Variants in LONRF2 observed in about 807,000 individuals in gnomAD.
The protein encoded by LONRF2 is LON peptidase N-terminal domain and ring finger 2, also known as LON peptidase N-terminal domain and RING finger protein 2.
A neutral mutation model predicts 66.6 loss-of-function variants in LONRF2; 35 were observed. The ratio of observed to expected loss-of-function variants is 0.53; its 90% CI spans 0.40 to 0.70. The LOEUF (loss-of-function observed/expected upper bound fraction) is 0.70. Ranked by LOEUF, LONRF2 falls within the 30% of genes least tolerant of loss-of-function variation. LONRF2 has a pLI of 0.00. For missense variants in LONRF2, 902 were observed against 1,002.1 expected (o/e 0.90, Z 1.35); for synonymous variants, 417 against 418.1 (o/e 1.00, Z 0.03).
chr2:100,288,611 C>T (rs1452668424), intron 10 of LONRF2, among the ~76,000 whole-genome samples: 1 of 152,186 alleles, frequency 6.6e-6, no homozygotes, highest in Non-Finnish European at 1.5e-5. Context: ...TAGAAAGATT[C>T]TTCACCACTC....
intron 6 of LONRF2, 85 bp downstream of exon 6, chr2:100,299,141 A>G: frequency 2.0e-6 from 2 of 1,023,130 alleles, no homozygotes; most frequent in Admixed American, 2.4e-5. Context: ...AGTTTCCGTG[A>G]TAATAAAAAG....
intron 7 of LONRF2, among the ~76,000 whole-genome samples, chr2:100,297,294 A>G (rs1454692531): frequency 1.0e-5 from 1 of 97,748 alleles, no homozygotes; most frequent in Non-Finnish European, 1.9e-5. Context: ...ATACCTGGCT[A>G]ATTTTGTTTT....
rs1158821209 is a variant in LONRF2 at position 100,281,678 on chromosome 2, T to C, written c.*2620A>G. The C allele has an allele frequency of 1.3e-5, 2 of 152,170 alleles. No individual in the cohort carries two copies. The highest frequency in any genetic ancestry group is 3.9e-4 in the East Asian group (2 of 5,194). The allele number at this position is 152,170 out of a possible 1,614,324, so 9.4% of individuals were successfully genotyped here. On this transcript the variant is annotated 3_prime_UTR_variant, in exon 12 of 12. Coordinates refer to ENST00000393437, the MANE Select transcript of LONRF2 (RefSeq NM_198461.4). ...ACGCTGCTATTACTCTTTTCTGCTT[T>C]GATTCCAATGTAACGAGAGCATGCC...
intron 1 of LONRF2, among the ~76,000 whole-genome samples, chr2:100,318,960 T>A (rs1211005028): frequency 1.3e-5 from 2 of 151,644 alleles, no homozygotes; most frequent in Non-Finnish European, 2.9e-5. Context: ...TGAAACCCTG[T>A]CTCTACTAAA....
intron 7 of LONRF2, among the ~76,000 whole-genome samples, chr2:100,296,584 T>A (rs1303088813): frequency 6.6e-6 from 1 of 152,116 alleles, no homozygotes; most frequent in Admixed American, 6.6e-5. Flanking sequence ...TTCCTTGTGG[T>A]TGGTGTGAAA....
chr2:100,272,899 T>C lies in LONRF2; in HGVS notation c.*11399A>G, dbSNP rs1026620768. ...CCTTTTTTTTCCTACTAAAATTAAA[T>C]TGGAATCGTTCCACATCTGCACTGT... is the stretch of plus-strand genomic sequence containing the variant. On this transcript the variant is annotated 3_prime_UTR_variant, in exon 12 of 12. Coordinates refer to ENST00000393437, the MANE Select transcript of LONRF2 (RefSeq NM_198461.4). Among the ~76,000 whole-genome samples the C allele has an allele frequency of 6.6e-6, 1 of 152,174 alleles. No individual in the cohort carries two copies. The highest frequency in any genetic ancestry group is 6.5e-5 in the Admixed American group (1 of 15,284).
Position 100,284,152 on chromosome 2 carries a change from G to T in LONRF2, c.*146C>A. On this transcript the variant is annotated 3_prime_UTR_variant, in exon 12 of 12. Coordinates refer to ENST00000393437, the MANE Select transcript of LONRF2 (RefSeq NM_198461.4). ...CACCAGACACAGAATTGTCATTTTT[G>T]AGGAGGACTCAATGTTTGGCAAGCG... The T allele has an allele frequency of 2.9e-6, 2 of 689,666 alleles. No homozygotes were observed. Among genetic ancestry groups the T allele is most frequent in the Non-Finnish European group, 4.7e-6 (2 of 423,386 alleles). The allele number at this position is 689,666 out of a possible 1,614,324, so 42.7% of individuals were successfully genotyped here.
In LONRF2 at chr2:100,284,215, G is replaced by A. The variant is rs1374608710; in HGVS notation, c.*83C>T. On this transcript the variant is annotated 3_prime_UTR_variant, in exon 12 of 12. Transcript: ENST00000393437. ...ACCTCATCCACAAGCACTTGATGAA[G>A]CACAATGAATGGACGGCTATTCGTC... 2 of 1,288,222 alleles carry A rather than the reference G, an allele frequency of 1.6e-6. No individual in the cohort carries two copies. Among genetic ancestry groups the A allele is most frequent in the Non-Finnish European group, 2.1e-6 (2 of 961,642 alleles). 79.8% of individuals were successfully genotyped at this position (1,288,222 alleles called of 1,614,324 possible).
chr2:100,284,315 T>C lies in LONRF2; in HGVS notation c.2248A>G (p.Arg750Gly). 6.5e-7 allele frequency: 1 copy of C among 1,549,814 alleles called. No homozygotes were observed. The highest frequency in any genetic ancestry group is 8.7e-7 in the Non-Finnish European group (1 of 1,143,748). ...MNSRQELANA[R>G]ERNN ...GAGAAAAATCAATTATTTCTCTCCC[T>C]GGCATTAGCCAGCTCTTGCCGACTA... Residue 750 changes from arginine to glycine, a missense_variant, in exon 12 of 12, where the codon AGG (arginine) becomes GGG (glycine). By Grantham distance (125) the Arg-to-Gly change is moderately radical. Transcript: ENST00000393437.
Position 100,284,403 on chromosome 2 carries a change from G to A in LONRF2, c.2160C>T (p.Thr720=), listed in dbSNP as rs1413087538. The A allele has an allele frequency of 5.0e-6, 8 of 1,604,696 alleles. No homozygotes were observed. The highest frequency in any genetic ancestry group is 6.8e-6 in the Non-Finnish European group (8 of 1,175,884). Residue 720 remains threonine, a synonymous_variant, in exon 12 of 12, where the codon ACC becomes ACT. Transcript: ENST00000393437. ...RKAQLAILGM[T]SLKERLLAIR... ...TGGCAAGGAGCCGCTCTTTGAGCGAGGTCATGCCGAGGATGGCCAGCTGAG... is the reference window on the plus strand; with the variant it reads ...TGGCAAGGAGCCGCTCTTTGAGCGAAGTCATGCCGAGGATGGCCAGCTGAG...
Position 100,321,577 on chromosome 2 carries a change from G to T in LONRF2, c.517C>A (p.Arg173=), listed in dbSNP as rs1232314237. The change falls in exon 1 of 12, where the codon CGG becomes AGG. Residue 173 remains arginine (R), a synonymous_variant. Coordinates refer to ENST00000393437, the MANE Select transcript of LONRF2 (RefSeq NM_198461.4). ...CKRCVEPGPA[R]PQVRRVNVVL... ...ACGTTCACGCGCCGCACCTGCGGCCGCGCGGGCCCTGGCTCCACGCAGCGC... is the reference window on the plus strand; with the variant it reads ...ACGTTCACGCGCCGCACCTGCGGCCTCGCGGGCCCTGGCTCCACGCAGCGC... 1 of 1,532,822 alleles carries T rather than the reference G, an allele frequency of 6.5e-7. No individual in the cohort carries two copies. Among genetic ancestry groups the T allele is most frequent in the Non-Finnish European group, 8.7e-7 (1 of 1,152,154 alleles). The allele number at this position is 1,532,822 out of a possible 1,614,324, so 95.0% of individuals were successfully genotyped here. A position where few individuals can be genotyped will look rare whatever the true frequency, so the allele number is the denominator to read the frequency against.
intron 10 of LONRF2, among the ~76,000 whole-genome samples, chr2:100,289,397 G>A (rs568410559): frequency 3.3e-5 from 5 of 150,780 alleles, no homozygotes; most frequent in East Asian, 2.0e-4. Flanking sequence ...TTTGCAATGC[G>A]CAGGTTTACA....
intron 1 of LONRF2, among the ~76,000 whole-genome samples, chr2:100,314,988 C>T (rs1573127056): frequency 6.6e-6 from 1 of 152,124 alleles, no homozygotes; most frequent in African/African-American, 2.4e-5. Flanking sequence ...AAAACACTGG[C>T]TAGGATTTTC....
intron 2 of LONRF2, among the ~76,000 whole-genome samples, chr2:100,303,534 A>C (rs1207327325): frequency 6.6e-6 from 1 of 152,244 alleles, no homozygotes; most frequent in Non-Finnish European, 1.5e-5. Context: ...TTATGAATGC[A>C]GTATTTTCTC....
At position 100,277,788 on chromosome 2, in the gene LONRF2, T is replaced by C. The variant is rs1458256550; in HGVS notation, c.*6510A>G. ...CCCCAGCTTCACATTTATGGCCAAC[T>C]GTTGGACCACTGCCCAAGAGTTGCC... On this transcript the variant is annotated 3_prime_UTR_variant, in exon 12 of 12. Transcript: ENST00000393437. 1 of 152,218 alleles carries C rather than the reference T, an allele frequency of 6.6e-6. No individual in the cohort carries two copies. The highest frequency in any genetic ancestry group is 1.5e-5 in the Non-Finnish European group (1 of 68,036). 9.4% of individuals were successfully genotyped at this position (152,218 alleles called of 1,614,324 possible).
At chr2:100,310,901 C>T (rs966951868) in intron 1 of LONRF2, among the ~76,000 whole-genome samples, 14 of 152,112 alleles carry the variant, frequency 9.2e-5, no homozygotes, top group African/African-American at 2.4e-4. Flanking sequence ...TTTTGTAATA[C>T]AGATAAACTA....
At chr2:100,309,886 T>C (rs1675374690) in intron 1 of LONRF2, among the ~76,000 whole-genome samples, 1 of 152,114 alleles carries the variant, frequency 6.6e-6, no homozygotes. Context: ...TTGGCCAGGC[T>C]GGTGTCAAAC....
chr2:100,285,526 C>T (rs888770956), intron 11 of LONRF2, among the ~76,000 whole-genome samples: 1 of 152,102 alleles, frequency 6.6e-6, no homozygotes, highest in African/African-American at 2.4e-5. Flanking sequence ...CCATATGGTA[C>T]CTTATATGGC....
At chr2:100,290,512 C>G in intron 9 of LONRF2, 92 bp from the exon 10 acceptor site, 1 of 1,295,876 alleles carries the variant, frequency 7.7e-7, no homozygotes, top group Non-Finnish European at 1.1e-6. Context: ...AAAAGGAATA[C>G]AAAGCCACAC....
Sources: gnomAD v4.1 joint callset for allele counts (sites outside exome capture counted in the v4.1 genomes callset) on GRCh38, gnomAD v4.1.1 for gene constraint, MANE v1.5 for transcripts, NCBI Gene and HGNC (gene_info 2026-07-23, HGNC 2026-07-21) for gene names.